PTPRD: variants seen among roughly 807,000 people sequenced by gnomAD.
PTPRD encodes the protein protein tyrosine phosphatase receptor type D, also known as receptor-type tyrosine-protein phosphatase delta.
PTPRD carries 34 observed loss-of-function variants against 214.5 expected under a neutral mutation model. That is an observed-to-expected ratio of 0.16 (90% confidence interval 0.12 to 0.21). The LOEUF (loss-of-function observed/expected upper bound fraction) is 0.21. Among genes scored for constraint, PTPRD ranks in the 10% least tolerant of loss-of-function variants. The pLI is 1.00. For missense variants in PTPRD, 2,545 were observed against 2,398.7 expected, an observed-to-expected ratio of 1.06 and a Z score of -1.27; for synonymous variants, 1,128 against 845.7, an observed-to-expected ratio of 1.33 and a Z score of -5.79.
At chr9:8,443,890 A>T (rs2095631982) in intron 34 of PTPRD, among the ~76,000 whole-genome samples, 1 of 152,150 alleles carries the variant, frequency 6.6e-6, no homozygotes, top group Non-Finnish European at 1.5e-5. Flanking sequence ...AAATGAACAC[A>T]TATTAGTAAT....
intron 9 of PTPRD, among the ~76,000 whole-genome samples, chr9:9,378,592 C>G (rs2225597): frequency 0.087 from 13,220 of 152,158 alleles, 836 homozygotes; most frequent in Non-Finnish European, 0.13. Context: ...AAACTGCAAG[C>G]TTTCTTCCTA....
chr9:10,330,344 A>G (rs1029601959), intron 3 of PTPRD, among the ~76,000 whole-genome samples: 1 of 151,966 alleles, frequency 6.6e-6, no homozygotes, highest in African/African-American at 2.4e-5. Context: ...CAAAGAGCAG[A>G]GAATAAAGGC....
At chr9:9,525,010 A>T (rs2073758531) in intron 8 of PTPRD, among the ~76,000 whole-genome samples, 1 of 152,134 alleles carries the variant, frequency 6.6e-6, no homozygotes, top group South Asian at 2.1e-4. Context: ...GGCGCCCGCC[A>T]CCACGCCCGG....
intron 7 of PTPRD, among the ~76,000 whole-genome samples, chr9:9,684,779 A>G (rs888718544): frequency 1.3e-5 from 2 of 151,476 alleles, no homozygotes; most frequent in African/African-American, 2.4e-5. Context: ...CAGGCATTCC[A>G]GAAGTTTGCG....
At chr9:8,646,167 C>T (rs1194339129) in intron 12 of PTPRD, among the ~76,000 whole-genome samples, 1 of 152,046 alleles carries the variant, frequency 6.6e-6, no homozygotes, top group Non-Finnish European at 1.5e-5. Flanking sequence ...AAAATTCCAA[C>T]ATGCAACCAG....
At chr9:8,551,081 G>C (rs2081971774) in intron 14 of PTPRD, among the ~76,000 whole-genome samples, 3 of 152,100 alleles carry the variant, frequency 2.0e-5, no homozygotes, top group South Asian at 4.1e-4. Flanking sequence ...ACTATCACTT[G>C]GGGGTGGTTT....
At chr9:9,811,816 A>G (rs774357018) in intron 5 of PTPRD, among the ~76,000 whole-genome samples, 6 of 152,256 alleles carry the variant, frequency 3.9e-5, no homozygotes, top group Admixed American at 3.3e-4. Flanking sequence ...AAACCTAGTT[A>G]ATAAAGCAGT....
At chr9:10,071,132 G>C (rs1362232456) in intron 3 of PTPRD, among the ~76,000 whole-genome samples, 1 of 152,020 alleles carries the variant, frequency 6.6e-6, no homozygotes, top group East Asian at 1.9e-4. Context: ...AATACATGGA[G>C]AGAGATTTCA....
intron 8 of PTPRD, among the ~76,000 whole-genome samples, chr9:9,476,949 A>T (rs1202464261): frequency 6.6e-6 from 1 of 151,994 alleles, no homozygotes; most frequent in Non-Finnish European, 1.5e-5. Context: ...TAGTCAGGGT[A>T]GTCTCGAACT....
At chr9:10,222,588 C>T (rs959671005) in intron 3 of PTPRD, among the ~76,000 whole-genome samples, 3 of 152,030 alleles carry the variant, frequency 2.0e-5, no homozygotes, top group Non-Finnish European at 4.4e-5. Context: ...TACGTATCAT[C>T]CTTACCAATA....
chr9:8,710,097 A>T (rs72700390), intron 12 of PTPRD, among the ~76,000 whole-genome samples: 18,114 of 152,186 alleles, frequency 0.12, 1,110 homozygotes, highest in South Asian at 0.16. Flanking sequence ...GCGTGAAGCA[A>T]GGTGCACGCA....
intron 3 of PTPRD, among the ~76,000 whole-genome samples, chr9:10,278,353 G>A (rs1215534172): frequency 6.6e-6 from 1 of 152,194 alleles, no homozygotes. Flanking sequence ...GGCTTCCACA[G>A]CTTTCTGGGA....
At chr9:8,323,621 A>G (rs959455648) in intron 44 of PTPRD, among the ~76,000 whole-genome samples, 1 of 152,124 alleles carries the variant, frequency 6.6e-6, no homozygotes, top group African/African-American at 2.4e-5. Flanking sequence ...CAAGATAACT[A>G]GAACTAGAAG....
chr9:10,518,163 CAAAT>C (rs1326641487), intron 2 of PTPRD, among the ~76,000 whole-genome samples: 4 of 152,002 alleles, frequency 2.6e-5, no homozygotes, highest in South Asian at 2.1e-4. Context: ...GATCACCTGA[CAAAT>C]AATTCAAATT....
At chr9:9,975,015 C>A (rs2095299459) in intron 4 of PTPRD, among the ~76,000 whole-genome samples, 1 of 151,878 alleles carries the variant, frequency 6.6e-6, no homozygotes, top group Non-Finnish European at 1.5e-5. Context: ...ACAATAAATG[C>A]TCAAAATTTG....
At chr9:10,479,182 T>C (rs1384480939) in intron 2 of PTPRD, among the ~76,000 whole-genome samples, 3 of 152,072 alleles carry the variant, frequency 2.0e-5, no homozygotes, top group Non-Finnish European at 4.4e-5. Flanking sequence ...TGCTAAGAAA[T>C]AATGGCACAG....
intron 7 of PTPRD, among the ~76,000 whole-genome samples, chr9:9,651,488 T>C (rs1201679172): frequency 6.6e-6 from 1 of 152,172 alleles, no homozygotes; most frequent in Non-Finnish European, 1.5e-5. Context: ...AGCGAGAACA[T>C]GTGGTATTTG....
At chr9:10,219,891 C>T (rs954080168) in intron 3 of PTPRD, among the ~76,000 whole-genome samples, 3 of 151,280 alleles carry the variant, frequency 2.0e-5, no homozygotes, top group Non-Finnish European at 4.4e-5. Flanking sequence ...TTCATAAATA[C>T]AAAAATGAAT....
intron 5 of PTPRD, among the ~76,000 whole-genome samples, chr9:9,805,326 C>T (rs1438679049): frequency 6.6e-6 from 1 of 152,048 alleles, no homozygotes; most frequent in Non-Finnish European, 1.5e-5. Context: ...TAGCATCAGT[C>T]TTTATAGTGA....
Sources: gnomAD v4.1 joint callset for allele counts (sites outside exome capture counted in the v4.1 genomes callset) on GRCh38, gnomAD v4.1.1 for gene constraint, MANE v1.5 for transcripts, NCBI Gene and HGNC (gene_info 2026-07-23, HGNC 2026-07-21) for gene names.